OGDHL: variants seen among roughly 807,000 people sequenced by gnomAD.
The protein encoded by OGDHL is 2-oxoglutarate dehydrogenase-like, mitochondrial.
In OGDHL, 79 loss-of-function variants were observed where a neutral mutation model predicts 109.6. That is an observed-to-expected ratio of 0.72 (90% CI 0.60 to 0.87). OGDHL has a LOEUF of 0.87. Ranked by LOEUF, OGDHL falls within the 40% of genes least tolerant of loss-of-function variation. The pLI, the probability that OGDHL is intolerant of heterozygous loss-of-function variation, is 0.00. For synonymous variants in OGDHL, 528 were observed against 537.2 expected (o/e 0.98, Z 0.24); for missense variants, 1,275 against 1,362.2 (o/e 0.94, Z 1.01).
At chr10:49,757,551 G>A (rs979043062) in intron 2 of OGDHL, among the ~76,000 whole-genome samples, 1 of 152,210 alleles carries the variant, frequency 6.6e-6, no homozygotes, top group African/African-American at 2.4e-5. Flanking sequence ...GCAAGATGAT[G>A]AAGGTGTAAG....
Position 49,752,201 on chromosome 10 carries a change from G to C in OGDHL, c.526C>G (p.Pro176Ala), listed in dbSNP as rs140591945. 13 of 1,614,110 alleles carry C rather than the reference G, an allele frequency of 8.1e-6. No individual in the cohort carries two copies. The African/African-American group carries it at 1.7e-4, about 22-fold the overall frequency. Residue 176 changes from proline to alanine, a missense_variant, in exon 5 of 23, where the codon CCG (proline) becomes GCG (alanine). Transcript: ENST00000374103. ...GAGCCCCCAATGAAGGTGGTTGTCG[G>C]CAGCTGGAACTCCTTATCAAGGTCA... The part of the protein sequence containing the change: ...EADLDKEFQL[P>A]TTTFIGGSEN...
chr10:49,749,290 GAAC>G (rs1304461576), intron 8 of OGDHL, among the ~76,000 whole-genome samples: 1 of 152,134 alleles, frequency 6.6e-6, no homozygotes. Flanking sequence ...GTGGGAGCAG[GAAC>G]AACATTTCCT....
intron 9 of OGDHL, 74 bp downstream of exon 9, chr10:49,746,954 AC>A: frequency 6.2e-7 from 1 of 1,608,508 alleles, no homozygotes; most frequent in Non-Finnish European, 8.5e-7. Flanking sequence ...TACTGTGGAG[AC>A]CCAGGGTCCA....
rs371733142 is a variant in OGDHL at position 49,740,585 on chromosome 10, C to T, written c.2140+125G>A. 1.2e-4 allele frequency: 146 copies of T among 1,206,716 alleles called. 1 individual carries two copies. The South Asian group carries it at 2.2e-3, about 19-fold the overall frequency. The allele number at this position is 1,206,716 out of a possible 1,614,324, so 74.8% of individuals were successfully genotyped here. ...GCAGCCCAATCACCATCCCCCAGGG[C>T]CATCCCCTAAGGGCCTCTGAGCATC... is the stretch of plus-strand genomic sequence containing the variant. On this transcript the variant is annotated intron_variant, in intron 16 of 22. Transcript: ENST00000374103.
intron 15 of OGDHL, among the ~76,000 whole-genome samples, chr10:49,742,003 T>TACCAC: frequency 7.8e-6 from 1 of 127,604 alleles, no homozygotes; most frequent in East Asian, 3.0e-4. Context: ...ACCCCACAAA[T>TACCAC]ACCACACCAC....
chr10:49,747,951 T>C (rs548394218), intron 8 of OGDHL, among the ~76,000 whole-genome samples: 90 of 152,188 alleles, frequency 5.9e-4, no homozygotes, highest in African/African-American at 1.9e-3. Flanking sequence ...AACAAAGAAA[T>C]GCATTACAAC....
In OGDHL at chr10:49,745,453, A is replaced by G; in HGVS notation, c.1520T>C (p.Met507Thr). Residue 507 changes from methionine (M) to threonine (T), a missense_variant, in exon 12 of 23, where the codon ATG becomes ACG. Met to Thr is a moderately conservative substitution (Grantham distance 81, BLOSUM62 -1). Transcript: ENST00000374103. ...RRGHNEMDEP[M>T]FTQPLMYKQI... ...CTTGTACATGAGCGGCTGGGTGAAC[A>G]TGGGCTCGTCCATCTCATTGTGGCC... is the stretch of plus-strand genomic sequence containing the variant. 1 of 1,614,136 alleles carries G rather than the reference A, an allele frequency of 6.2e-7. No individual in the cohort carries two copies. The highest frequency in any genetic ancestry group is 8.5e-7 in the Non-Finnish European group (1 of 1,180,046).
intron 1 of OGDHL, among the ~76,000 whole-genome samples, chr10:49,759,466 T>C (rs1337367149): frequency 3.3e-5 from 5 of 152,198 alleles, no homozygotes; most frequent in Middle Eastern, 3.4e-3. Flanking sequence ...GGAAAATATC[T>C]AAATCTTGGG....
At chr10:49,757,025 G>A in intron 2 of OGDHL, 79 bp from the exon 3 acceptor site, 3 of 1,460,426 alleles carry the variant, frequency 2.1e-6, no homozygotes, top group Non-Finnish European at 2.8e-6. Flanking sequence ...GGGCCCCAAG[G>A]AGTGTCAGGT....
Position 49,752,759 on chromosome 10 carries a change from G to C in OGDHL, c.376-19C>G, listed in dbSNP as rs1210629663. On this transcript the variant is annotated intron_variant, in intron 3 of 22. Transcript: ENST00000374103. Reference sequence around the variant, plus strand: ...CCCGGATCTGGGAGGAGGGAAAAGAGCAGGGTGGGGCTGGGACCCAGCTGG... The same window carrying C: ...CCCGGATCTGGGAGGAGGGAAAAGACCAGGGTGGGGCTGGGACCCAGCTGG... 1.9e-6 allele frequency: 3 copies of C among 1,589,168 alleles called. No individual in the cohort carries two copies. The highest frequency in any genetic ancestry group is 2.6e-6 in the Non-Finnish European group (3 of 1,158,430).
chr10:49,759,800 C>T (rs937073454), intron 1 of OGDHL, among the ~76,000 whole-genome samples: 3 of 152,220 alleles, frequency 2.0e-5, no homozygotes, highest in Admixed American at 6.5e-5. Context: ...GTGCAAGGAC[C>T]ACCCCACAAG....
chr10:49,745,229 G>A (rs1450109676), intron 12 of OGDHL, 115 bp downstream of exon 12: 17 of 1,345,438 alleles, frequency 1.3e-5, no homozygotes, highest in Admixed American at 2.2e-5. Flanking sequence ...AAGGACCATA[G>A]TGGCTACTTC....
chr10:49,739,860 A>G, intron 16 of OGDHL, 21 bp from the exon 17 acceptor site: 1 of 1,605,066 alleles, frequency 6.2e-7, no homozygotes, highest in Non-Finnish European at 8.5e-7. Context: ...GACAAGATAG[A>G]GCTTGCTGCA....
intron 3 of OGDHL, among the ~76,000 whole-genome samples, chr10:49,754,976 G>A (rs1352041687): frequency 1.3e-5 from 2 of 152,180 alleles, no homozygotes; most frequent in East Asian, 1.9e-4. Flanking sequence ...TGGGTGCAAT[G>A]GCTCACGCTG....
In OGDHL at chr10:49,745,917, G is replaced by A. The variant is rs189235424; in HGVS notation, c.1357C>T (p.Arg453Trp). 312 of 1,614,214 alleles carry A rather than the reference G, an allele frequency of 1.9e-4. 2 individuals are homozygous for A. The East Asian group carries it at 6.3e-3, about 33-fold the overall frequency. The change falls in exon 11 of 23, where the codon CGG becomes TGG. Residue 453 changes from arginine (R) to tryptophan (W), a missense_variant. Coordinates refer to ENST00000374103, the MANE Select transcript of OGDHL (RefSeq NM_018245.3). The stretch of plus-strand genomic sequence containing the variant: ...TGGAAGATAGGCGCATTGACCACCC[G>A]GGCCACGTCGGTCGGGTATGGTGAG... ...RSSPYPTDVA[R>W]VVNAPIFHVN...
In OGDHL at chr10:49,748,786, G is replaced by A. The variant is rs958079030; in HGVS notation, c.987+940C>T. On this transcript the variant is annotated intron_variant, in intron 8 of 22. Transcript: ENST00000374103. ...CACACACACACACACACACACACAC[G>A]GCAGCAGGCTGGAGACAGCAGGAGA... Among the ~76,000 whole-genome samples, 15 of 96,534 alleles carry A rather than the reference G, an allele frequency of 1.6e-4. No individual in the cohort carries two copies. The South Asian group carries it at 2.2e-3, about 14-fold the overall frequency. 63.3% of individuals were successfully genotyped at this position (96,534 alleles called of 152,430 possible).
intron 15 of OGDHL, 55 bp downstream of exon 15, chr10:49,742,773 G>C: frequency 3.8e-6 from 6 of 1,568,790 alleles, no homozygotes; most frequent in Admixed American, 1.7e-5. Context: ...CCCCAAGCCA[G>C]GCCCAGCTTC....
chr10:49,738,413 A>T, intron 17 of OGDHL, 151 bp from the exon 18 acceptor site: 1 of 705,698 alleles, frequency 1.4e-6, no homozygotes, highest in Non-Finnish European at 2.4e-6. Context: ...AGAACCAAGA[A>T]TGTGGAACAA....
chr10:49,737,859 C>A lies in OGDHL; in HGVS notation c.2518-1G>T. ...GAGATTTAGGTGTGAAGATAATCAG[C>A]TGGAAGGGAAATACACGCCCAGCTG... On this transcript the variant is annotated splice_acceptor_variant, in intron 19 of 22. Transcript: ENST00000374103. LOFTEE classifies it high-confidence loss of function. 6.2e-7 allele frequency: 1 copy of A among 1,614,204 alleles called. No homozygotes were observed. The highest frequency in any genetic ancestry group is 1.6e-4 in the Middle Eastern group (1 of 6,062).
Sources: gnomAD v4.1 joint callset for allele counts (sites outside exome capture counted in the v4.1 genomes callset) on GRCh38, gnomAD v4.1.1 for gene constraint, MANE v1.5 for transcripts, NCBI Gene and HGNC (gene_info 2026-07-23, HGNC 2026-07-21) for gene names.